Variants in COL9A3 observed in about 807,000 individuals in gnomAD.
COL9A3 encodes the protein collagen alpha-3(IX) chain.
In COL9A3, 82 loss-of-function variants were observed where a neutral mutation model predicts 110.2. The observed-to-expected ratio is 0.74, with a 90% confidence interval of 0.62 to 0.89. The LOEUF is 0.89. Ranked by LOEUF, COL9A3 falls within the 40% of genes least tolerant of loss-of-function variation. COL9A3 has a pLI of 0.00. For missense variants in COL9A3, 1,066 were observed against 981.3 expected (o/e 1.09, Z -1.15); for synonymous variants, 494 against 403.8 (o/e 1.22, Z -2.68).
intron 29 of COL9A3, 104 bp downstream of exon 29, chr20:62,836,636 A>C (rs1185605077): frequency 2.4e-6 from 3 of 1,266,356 alleles, no homozygotes; most frequent in Non-Finnish European, 3.3e-6. Flanking sequence ...TTCCAGCCAA[A>C]GTGAGCCCCT....
At chr20:62,828,216 G>A (rs2063569776) in intron 17 of COL9A3, among the ~76,000 whole-genome samples, 2 of 152,242 alleles carry the variant, frequency 1.3e-5, no homozygotes, top group Admixed American at 1.3e-4. Flanking sequence ...GGGAAGTAAG[G>A]GTGGGTGGGT....
chr20:62,829,988 T>C (rs540123181), intron 22 of COL9A3, among the ~76,000 whole-genome samples, 169 bp downstream of exon 22: 2 of 152,270 alleles, frequency 1.3e-5, no homozygotes, highest in Middle Eastern at 6.8e-3. Flanking sequence ...CCTCACCCGC[T>C]GGGAGACGGT....
Position 62,840,818 on chromosome 20 carries a change from G to C in COL9A3, c.*86G>C, listed in dbSNP as rs1473627302. ...AGCGGGGGTGTGGCAGGCGGGTGAC[G>C]TCCAGGAGAGGGAGCGCCCCTGGCT... On this transcript the variant is annotated 3_prime_UTR_variant, in exon 32 of 32. Coordinates refer to ENST00000649368, the MANE Select transcript of COL9A3 (RefSeq NM_001853.4). The C allele has an allele frequency of 6.7e-7, 1 of 1,482,622 alleles. No individual in the cohort carries two copies. The highest frequency in any genetic ancestry group is 2.5e-5 in the East Asian group (1 of 40,544). The allele number at this position is 1,482,622 out of a possible 1,614,324, so 91.8% of individuals were successfully genotyped here.
intron 11 of COL9A3, 128 bp from the exon 12 acceptor site, chr20:62,824,839 AC>A (rs2063537659): frequency 2.0e-6 from 2 of 1,013,696 alleles, no homozygotes; most frequent in Non-Finnish European, 3.0e-6. Flanking sequence ...GAGGGCCCAG[AC>A]CCGCGGTCCT....
At chr20:62,832,740 G>A (rs1195898512) in intron 25 of COL9A3, 2 of 267,630 alleles carry the variant, frequency 7.5e-6, no homozygotes, top group Non-Finnish European at 1.2e-5. Context: ...CATACCGCTG[G>A]AGGGCCTGCA....
intron 16 of COL9A3, 133 bp downstream of exon 16, chr20:62,827,427 G>A (rs985626028): frequency 2.0e-5 from 18 of 901,992 alleles, no homozygotes; most frequent in Admixed American, 4.2e-5. Flanking sequence ...CTGGGGGTGC[G>A]TGGGGGTGAG....
chr20:62,822,722 G>T, intron 10 of COL9A3, 90 bp downstream of exon 10: 2 of 1,416,224 alleles, frequency 1.4e-6, no homozygotes, highest in East Asian at 4.6e-5. Context: ...TGTCCATACT[G>T]GCAAGAAGGC....
Position 62,817,068 on chromosome 20 carries a change from G to T in COL9A3, c.4G>T (p.Ala2Ser). Reference sequence around the variant, plus strand: ...GCAGCTCAGACTCCGCTCAGCCATGGCCGGGCCGCGCGCGTGCGCCCCGCT... The same window carrying T: ...GCAGCTCAGACTCCGCTCAGCCATGTCCGGGCCGCGCGCGTGCGCCCCGCT... M[A>S]GPRACAPLLL... The change falls in exon 1 of 32, where the codon GCC (alanine) becomes TCC (serine). Residue 2 changes from alanine (A) to serine (S), a missense_variant. Ala to Ser is a moderately conservative substitution (Grantham distance 99). Coordinates refer to ENST00000649368, the MANE Select transcript of COL9A3 (RefSeq NM_001853.4). 7.3e-7 allele frequency: 1 copy of T among 1,377,260 alleles called. No homozygotes were observed. Among genetic ancestry groups the T allele is most frequent in the South Asian group, 1.5e-5 (1 of 68,274 alleles). 85.3% of individuals were successfully genotyped at this position (1,377,260 alleles called of 1,614,324 possible).
rs538053711 is a variant in COL9A3, at chr20:62,836,128, C to G, written c.1402-59C>G. The stretch of plus-strand genomic sequence containing the variant: ...CCGTGCCGGCTGGGAAAGAGCACGT[C>G]GGGGTGGCTCTGGGCTCCTGGGCTC... On this transcript the variant is annotated intron_variant, in intron 27 of 31. Transcript: ENST00000649368. The G allele has an allele frequency of 5.0e-6, 8 of 1,603,184 alleles. No homozygotes were observed. The East Asian group carries it at 1.4e-4, about 27-fold the overall frequency.
chr20:62,824,330 C>T (rs901081379), intron 10 of COL9A3, 115 bp from the exon 11 acceptor site: 112 of 1,104,280 alleles, frequency 1.0e-4, no homozygotes, highest in African/African-American at 1.3e-4. Context: ...AGTGGCCTCC[C>T]GGGGTCCCGT....
chr20:62,835,814 T>A, intron 26 of COL9A3, 107 bp from the exon 27 acceptor site: 1 of 1,112,404 alleles, frequency 9.0e-7, no homozygotes, highest in East Asian at 2.4e-5. Context: ...TTGGATGTAG[T>A]CTAATAGCAG....
chr20:62,820,508 G>A (rs574451507), intron 5 of COL9A3, among the ~76,000 whole-genome samples: 4 of 152,222 alleles, frequency 2.6e-5, no homozygotes, highest in African/African-American at 4.8e-5. Flanking sequence ...GGCCCCAGGC[G>A]CAAAGCATCA....
intron 1 of COL9A3, 118 bp from the exon 2 acceptor site, chr20:62,817,449 C>T (rs1990966194): frequency 5.4e-6 from 4 of 741,146 alleles, no homozygotes; most frequent in South Asian, 1.8e-5. Context: ...CTTTGGGTCT[C>T]ACCGAGGAGA....
chr20:62,826,928 G>A (rs1287754915), intron 15 of COL9A3, 108 bp downstream of exon 15: 10 of 1,277,514 alleles, frequency 7.8e-6, no homozygotes, highest in South Asian at 1.3e-5. Flanking sequence ...TTCTGTGGCT[G>A]AGCTGTTCCC....
At chr20:62,825,084 G>T in intron 12 of COL9A3, 63 bp downstream of exon 12, 1 of 1,005,432 alleles carries the variant, frequency 9.9e-7, no homozygotes, top group Non-Finnish European at 1.5e-6. Flanking sequence ...CCGGCGGGAG[G>T]GAGGGGCTGG....
At chr20:62,832,702 G>A in intron 25 of COL9A3, 1 of 371,668 alleles carries the variant, frequency 2.7e-6, no homozygotes, top group South Asian at 3.3e-5. Context: ...TGCAGTGCCT[G>A]CTCTCACTTC....
Position 62,833,080 on chromosome 20 carries a change from A to G in COL9A3, c.1368+16A>G, listed in dbSNP as rs2063609126. On this transcript the variant is annotated intron_variant, in intron 26 of 31. Transcript: ENST00000649368. ...AGGAGAACTGGTGAGTAATTAGGTAACCTCACTGTTACCAACAGCTGGGAG... is the reference window on the plus strand; with the variant it reads ...AGGAGAACTGGTGAGTAATTAGGTAGCCTCACTGTTACCAACAGCTGGGAG... The G allele has an allele frequency of 3.7e-6, 6 of 1,609,308 alleles. No individual in the cohort carries two copies. Among genetic ancestry groups the G allele is most frequent in the Non-Finnish European group, 5.1e-6 (6 of 1,175,842 alleles).
chr20:62,824,480 C>T lies in COL9A3; in HGVS notation c.555C>T (p.Pro185=). The T allele has an allele frequency of 6.3e-7, 1 of 1,599,314 alleles. No homozygotes were observed. The highest frequency in any genetic ancestry group is 8.5e-7 in the Non-Finnish European group (1 of 1,173,662). Residue 185 remains proline, a synonymous_variant, in exon 11 of 32, where the codon CCC becomes CCT. Transcript: ENST00000649368. ...PSICPPGPPG[P]PGMPGFKGPT... Reference sequence around the variant, plus strand: ...TCTGCCCGCCAGGTCCCCCAGGGCCCCCTGGAATGCCAGGGTTCAAGGTGA... The same window carrying T: ...TCTGCCCGCCAGGTCCCCCAGGGCCTCCTGGAATGCCAGGGTTCAAGGTGA...
intron 16 of COL9A3, 144 bp from the exon 17 acceptor site, chr20:62,827,779 C>T: frequency 1.2e-6 from 1 of 830,126 alleles, no homozygotes; most frequent in Non-Finnish European, 2.1e-6. Context: ...CTCCACGCAC[C>T]CACAGGCCCC....
Sources: gnomAD v4.1 joint callset for allele counts (sites outside exome capture counted in the v4.1 genomes callset) on GRCh38, gnomAD v4.1.1 for gene constraint, MANE v1.5 for transcripts, NCBI Gene and HGNC (gene_info 2026-07-23, HGNC 2026-07-21) for gene names.